The following ADK variants were observed in gnomAD, a reference collection of about 807,000 sequenced individuals.
The protein encoded by ADK is N6,N6-dimethyladenosine kinase.
ADK carries 24 observed loss-of-function variants against 44.7 expected under a neutral mutation model. The ratio of observed to expected loss-of-function variants is 0.54; its 90% CI spans 0.39 to 0.76. The LOEUF (loss-of-function observed/expected upper bound fraction) is 0.76. ADK is among the 30% of genes least tolerant of loss of function. The probability of loss-of-function intolerance (pLI) is 0.00; values close to 1 mark genes in which losing one functional copy is unlikely to be tolerated. For synonymous variants in ADK, 128 were observed against 142.6 expected (o/e 0.90, Z 0.73); for missense variants, 321 against 425.1 (o/e 0.76, Z 2.15).
chr10:74,669,141 T>A (rs1387120744), intron 9 of ADK, among the ~76,000 whole-genome samples: 4 of 152,226 alleles, frequency 2.6e-5, no homozygotes. Context: ...TTTATGTCTC[T>A]TGTTGAAAGT....
At chr10:74,440,023 A>G (rs978435760) in intron 6 of ADK, among the ~76,000 whole-genome samples, 2 of 152,024 alleles carry the variant, frequency 1.3e-5, no homozygotes, top group African/African-American at 4.8e-5. Context: ...GATTATTTTA[A>G]GTATATAGTA....
chr10:74,269,764 A>C (rs1012876841), intron 3 of ADK, among the ~76,000 whole-genome samples: 2 of 152,128 alleles, frequency 1.3e-5, no homozygotes, highest in African/African-American at 4.8e-5. Flanking sequence ...TGGGAGGCTA[A>C]GGCAGGTGGA....
At chr10:74,417,291 A>G (rs895778098) in intron 6 of ADK, among the ~76,000 whole-genome samples, 4 of 152,180 alleles carry the variant, frequency 2.6e-5, no homozygotes, top group African/African-American at 9.6e-5. Context: ...CAAAAACTGT[A>G]CATTTTAACT....
intron 3 of ADK, among the ~76,000 whole-genome samples, chr10:74,263,443 A>G (rs1474581633): frequency 1.3e-5 from 2 of 152,168 alleles, no homozygotes; most frequent in African/African-American, 4.8e-5. Flanking sequence ...TCTTACTTTT[A>G]GTTTTTCCTT....
At chr10:74,436,366 C>A (rs147951219) in intron 6 of ADK, among the ~76,000 whole-genome samples, 3 of 152,082 alleles carry the variant, frequency 2.0e-5, no homozygotes, top group African/African-American at 4.8e-5. Context: ...AAGATCATGC[C>A]ACTACGCTCC....
chr10:74,425,582 A>C (rs1321268293), intron 6 of ADK, among the ~76,000 whole-genome samples: 1 of 152,140 alleles, frequency 6.6e-6, no homozygotes, highest in East Asian at 1.9e-4. Context: ...TCACGATACC[A>C]GCCTGAAGTC....
chr10:74,474,054 A>T (rs1846715625), intron 6 of ADK, among the ~76,000 whole-genome samples: 1 of 152,022 alleles, frequency 6.6e-6, no homozygotes, highest in African/African-American at 2.4e-5. Flanking sequence ...TCCCTCATTT[A>T]TTCTATATTT....
chr10:74,554,468 GTTTC>G (rs1397121956), intron 7 of ADK, among the ~76,000 whole-genome samples: 1 of 151,988 alleles, frequency 6.6e-6, no homozygotes, highest in African/African-American at 2.4e-5. Context: ...AATGGGTTAT[GTTTC>G]TTTAAGTTCC....
chr10:74,198,604 A>T (rs984013672), intron 1 of ADK, among the ~76,000 whole-genome samples: 1 of 152,248 alleles, frequency 6.6e-6, no homozygotes, highest in South Asian at 2.1e-4. Context: ...ACTGGAGACC[A>T]ATAAAAAATT....
intron 3 of ADK, among the ~76,000 whole-genome samples, chr10:74,313,871 T>C (rs1163534636): frequency 6.6e-6 from 1 of 151,998 alleles, no homozygotes; most frequent in Non-Finnish European, 1.5e-5. Flanking sequence ...TTTGGTCTTT[T>C]TAAAAATTTC....
At chr10:74,172,707 A>AG (rs1422808753) in intron 1 of ADK, among the ~76,000 whole-genome samples, 1 of 150,928 alleles carries the variant, frequency 6.6e-6, no homozygotes, top group East Asian at 1.9e-4. Flanking sequence ...AAAAAAAAAA[A>AG]AAAGCGGATC....
At chr10:74,569,257 G>A (rs192399522) in intron 7 of ADK, among the ~76,000 whole-genome samples, 2 of 152,040 alleles carry the variant, frequency 1.3e-5, no homozygotes, top group African/African-American at 2.4e-5. Context: ...GTGTCTTTAT[G>A]GCAGCATGAT....
At chr10:74,695,583 T>A (rs1809919307) in intron 10 of ADK, among the ~76,000 whole-genome samples, 1 of 133,852 alleles carries the variant, frequency 7.5e-6, no homozygotes. Context: ...TATTGACAAA[T>A]TTATTTCTTC....
chr10:74,489,295 G>T (rs984398271), intron 6 of ADK, among the ~76,000 whole-genome samples: 1 of 151,882 alleles, frequency 6.6e-6, no homozygotes, highest in African/African-American at 2.4e-5. Context: ...ACCTGTCAGA[G>T]ATTATATAAG....
chr10:74,485,856 T>C (rs1253774136), intron 6 of ADK, among the ~76,000 whole-genome samples: 2 of 152,188 alleles, frequency 1.3e-5, no homozygotes, highest in African/African-American at 2.4e-5. Flanking sequence ...TATTTGTCCA[T>C]TTTAGTCTGT....
intron 10 of ADK, among the ~76,000 whole-genome samples, chr10:74,683,594 G>C (rs992569509): frequency 6.6e-6 from 1 of 151,984 alleles, no homozygotes; most frequent in Admixed American, 6.6e-5. Flanking sequence ...CTAAATATGA[G>C]GGAAATAAAG....
At chr10:74,236,141 G>A (rs1027152328) in intron 3 of ADK, among the ~76,000 whole-genome samples, 2 of 152,154 alleles carry the variant, frequency 1.3e-5, no homozygotes, top group African/African-American at 4.8e-5. Flanking sequence ...TGTATAATTA[G>A]CTCTTCAAAG....
rs371613471 is a variant in ADK at position 74,446,452 on chromosome 10, G to A, written c.555+47873G>A. ...AAACTAGGTTGCCTGTGGAAGTATA[G>A]TGAGAGACGACGATAGGAAAGAAGA... On this transcript the variant is annotated intron_variant, in intron 6 of 10. Transcript: ENST00000539909. Among the ~76,000 whole-genome samples the A allele has an allele frequency of 2.6e-5, 4 of 152,222 alleles. No homozygotes were observed. The East Asian group carries it at 5.8e-4, about 22-fold the overall frequency.
intron 7 of ADK, among the ~76,000 whole-genome samples, chr10:74,573,255 T>A (rs1851039190): frequency 6.6e-6 from 1 of 152,154 alleles, no homozygotes; most frequent in Admixed American, 6.6e-5. Flanking sequence ...TGTTGGAGTT[T>A]GCTAGAGGTC....
Sources: gnomAD v4.1 joint callset for allele counts (sites outside exome capture counted in the v4.1 genomes callset) on GRCh38, gnomAD v4.1.1 for gene constraint, MANE v1.5 for transcripts, NCBI Gene and HGNC (gene_info 2026-07-23, HGNC 2026-07-21) for gene names.